The following NIPBL variants were observed in gnomAD, a reference collection of about 807,000 sequenced individuals.
The protein encoded by NIPBL is nipped-B-like protein.
NIPBL carries 19 observed loss-of-function variants against 321.8 expected under a neutral mutation model. The ratio of observed to expected loss-of-function variants is 0.06; its 90% CI spans 0.04 to 0.09. The LOEUF is 0.09. Among genes scored for constraint, NIPBL ranks in the 10% least tolerant of loss-of-function variants. The pLI, the probability that NIPBL is intolerant of heterozygous loss-of-function variation, is 1.00. For missense variants in NIPBL, 2,210 were observed against 3,327.0 expected (o/e 0.66, Z 8.26); for synonymous variants, 1,106 against 1,114.1 (o/e 0.99, Z 0.14).
intron 42 of NIPBL, among the ~76,000 whole-genome samples, chr5:37,054,927 TG>T (rs1432105623): frequency 2.0e-5 from 3 of 151,830 alleles, no homozygotes; most frequent in African/African-American, 7.3e-5. Context: ...AAAAAAACAT[TG>T]TAAGTGTGTG....
Position 37,016,042 on chromosome 5 carries a change from G to T in NIPBL, c.4648G>T (p.Gly1550Cys). ...NFLSIFLKKC[G>C]SKQGEEDYRP... ...TCATTATTTGCCTTTGAACAGATGT[G>T]GTAGTAAGCAAGGTGAAGAAGATTA... The change falls in exon 23 of 47, where the codon GGT (glycine) becomes TGT (cysteine). Residue 1550 changes from glycine (G) to cysteine (C), a missense_variant. Physicochemically the swap from Gly to Cys is radical, Grantham distance 159. Coordinates refer to ENST00000282516, the MANE Select transcript of NIPBL (RefSeq NM_133433.4). The T allele has an allele frequency of 6.2e-7, 1 of 1,613,844 alleles. No homozygotes were observed. The highest frequency in any genetic ancestry group is 8.5e-7 in the Non-Finnish European group (1 of 1,179,874).
intron 1 of NIPBL, among the ~76,000 whole-genome samples, chr5:36,920,202 A>G (rs34272373): frequency 0.11 from 16,185 of 152,242 alleles, 1,134 homozygotes; most frequent in Admixed American, 0.19. Context: ...AGAGACTAAG[A>G]AAGCATAAAT....
intron 21 of NIPBL, among the ~76,000 whole-genome samples, chr5:37,013,981 G>A (rs533174640): frequency 2.0e-4 from 31 of 152,358 alleles, no homozygotes; most frequent in African/African-American, 7.5e-4. Flanking sequence ...CGAGGCTGGC[G>A]GATCACTCGC....
At chr5:36,892,554 A>G (rs1249019570) in intron 1 of NIPBL, among the ~76,000 whole-genome samples, 1 of 152,166 alleles carries the variant, frequency 6.6e-6, no homozygotes, top group African/African-American at 2.4e-5. Flanking sequence ...TCCAACAACG[A>G]TAGACTGGAT....
At chr5:37,012,328 T>TC (rs1336504074) in intron 21 of NIPBL, among the ~76,000 whole-genome samples, 106 of 151,454 alleles carry the variant, frequency 7.0e-4, no homozygotes, top group African/African-American at 2.5e-3. Context: ...TTTTTTTTTT[T>TC]TTTTATCTTG....
intron 1 of NIPBL, among the ~76,000 whole-genome samples, chr5:36,896,762 C>A (rs1246617512): frequency 6.6e-6 from 1 of 151,974 alleles, no homozygotes; most frequent in Non-Finnish European, 1.5e-5. Flanking sequence ...CCATGCCTGG[C>A]TAATTTTTGT....
At chr5:37,013,044 A>ACC (rs529922831) in intron 21 of NIPBL, among the ~76,000 whole-genome samples, 105 of 126,540 alleles carry the variant, frequency 8.3e-4, no homozygotes, top group African/African-American at 1.6e-3. Context: ...CGGGGGGCTG[A>ACC]CCCCCCCCCA....
chr5:36,890,592 G>A (rs538782598), intron 1 of NIPBL, among the ~76,000 whole-genome samples: 16 of 152,142 alleles, frequency 1.1e-4, no homozygotes, highest in African/African-American at 3.1e-4. Context: ...ATATCATTTC[G>A]AGGTATTATA....
At chr5:36,911,645 C>T (rs1748060496) in intron 1 of NIPBL, among the ~76,000 whole-genome samples, 1 of 152,108 alleles carries the variant, frequency 6.6e-6, no homozygotes, top group Non-Finnish European at 1.5e-5. Context: ...TCTCACAGTA[C>T]TTAATAGAAC....
At chr5:36,987,169 C>T (rs906475356) in intron 10 of NIPBL, among the ~76,000 whole-genome samples, 2 of 152,094 alleles carry the variant, frequency 1.3e-5, no homozygotes, top group Non-Finnish European at 2.9e-5. Flanking sequence ...CGTGAGCCAC[C>T]GTGTCCATAC....
intron 1 of NIPBL, among the ~76,000 whole-genome samples, chr5:36,892,913 G>A (rs1317053807): frequency 1.6e-4 from 24 of 152,098 alleles, no homozygotes; most frequent in Non-Finnish European, 2.4e-4. Flanking sequence ...CGTTGTGCAC[G>A]TGTACCCTAG....
At chr5:37,012,456 A>ATTTTTTTT (rs763144789) in intron 21 of NIPBL, among the ~76,000 whole-genome samples, 5 of 107,208 alleles carry the variant, frequency 4.7e-5, no homozygotes, top group Non-Finnish European at 7.3e-5. Context: ...TCTTTCTCCA[A>ATTTTTTTT]TTTTTTTTTT....
intron 4 of NIPBL, among the ~76,000 whole-genome samples, chr5:36,959,455 T>C (rs910695184): frequency 2.0e-5 from 3 of 152,220 alleles, no homozygotes; most frequent in Admixed American, 6.5e-5. Context: ...AAGGTAGGTA[T>C]GCACGACAGG....
At chr5:36,981,379 GACCCTATTGT>G (rs1447202890) in intron 9 of NIPBL, among the ~76,000 whole-genome samples, 2 of 151,630 alleles carry the variant, frequency 1.3e-5, no homozygotes, top group African/African-American at 4.8e-5. Context: ...GGCTGTGGTA[GACCCTATTGT>G]ACCCTTGTTC....
At chr5:36,888,390 A>G (rs1460573425) in intron 1 of NIPBL, among the ~76,000 whole-genome samples, 1 of 152,130 alleles carries the variant, frequency 6.6e-6, no homozygotes, top group Non-Finnish European at 1.5e-5. Flanking sequence ...TGCTTTTAGA[A>G]TACTGCATTT....
chr5:37,058,814 A>G (rs906627158), intron 43 of NIPBL, 77 bp from the exon 44 acceptor site: 5 of 1,326,964 alleles, frequency 3.8e-6, no homozygotes, highest in Non-Finnish European at 4.2e-6. Flanking sequence ...AGCTTTTTCA[A>G]GCTGTTGAAT....
intron 1 of NIPBL, chr5:36,885,320 G>C: frequency 2.0e-6 from 1 of 488,478 alleles, no homozygotes; most frequent in Non-Finnish European, 4.0e-6. Flanking sequence ...CTATGCAGGC[G>C]CCAGGGGCTC....
At chr5:36,892,253 A>T (rs532634206) in intron 1 of NIPBL, among the ~76,000 whole-genome samples, 1 of 152,194 alleles carries the variant, frequency 6.6e-6, no homozygotes, top group Non-Finnish European at 1.5e-5. Flanking sequence ...ATCTCACACC[A>T]GTTAGAATGG....
intron 9 of NIPBL, among the ~76,000 whole-genome samples, chr5:36,983,250 A>G (rs938076461): frequency 6.6e-6 from 1 of 151,928 alleles, no homozygotes; most frequent in Non-Finnish European, 1.5e-5. Flanking sequence ...CAAATGGAGC[A>G]TGTGTGGTGA....
Sources: gnomAD v4.1 joint callset for allele counts (sites outside exome capture counted in the v4.1 genomes callset) on GRCh38, gnomAD v4.1.1 for gene constraint, MANE v1.5 for transcripts, NCBI Gene and HGNC (gene_info 2026-07-23, HGNC 2026-07-21) for gene names.